The following SSX7 variants were observed in gnomAD, a reference collection of about 807,000 sequenced individuals.
SSX7 encodes the protein SSX family member 7, also known as protein SSX7.
SSX7 carries 15 observed loss-of-function variants against 14.7 expected under a neutral mutation model. The observed-to-expected ratio is 1.02, with a 90% CI of 0.68 to 1.58. The LOEUF (loss-of-function observed/expected upper bound fraction) is 1.58. Among genes scored for constraint, SSX7 ranks in the 40% most tolerant of loss-of-function variants. SSX7 has a pLI of 0.00. For missense variants in SSX7, 178 were observed against 146.8 expected (o/e 1.21, Z -1.10); for synonymous variants, 46 against 50.6 (o/e 0.91, Z 0.38).
rs782519452 is a variant in SSX7 at position 52,652,233 on chromosome X, C to A, written c.280+19G>T. 5.1e-6 allele frequency: 6 copies of A among 1,165,753 alleles called. No individual in the cohort carries two copies. In the East Asian group the frequency reaches 1.2e-4, roughly 23 times the overall value. On this transcript the variant is annotated intron_variant, in intron 4 of 7. Coordinates refer to ENST00000298181, the MANE Select transcript of SSX7 (RefSeq NM_173358.2). ...CTGGGCTTGAGGAGACCCTTTCCAG[C>A]CCCTTCCCGTCTACTCACCCTGATT...
At chrX:52,645,201 G>A (rs1925199091) in intron 7 of SSX7, among the ~76,000 whole-genome samples, 1 of 109,310 alleles carries the variant, frequency 9.1e-6, no homozygotes, top group African/African-American at 3.3e-5. Context: ...AACCCGTGAG[G>A]CGGAGCTTGC....
intron 2 of SSX7, 40 bp downstream of exon 2, chrX:52,653,364 T>C (rs1279518431): frequency 3.3e-6 from 4 of 1,208,583 alleles, no homozygotes; most frequent in Non-Finnish European, 2.2e-6. Context: ...CCCCACACTG[T>C]CCCCTGGGCC....
intron 5 of SSX7, among the ~76,000 whole-genome samples, 160 bp from the exon 6 acceptor site, chrX:52,648,556 G>T (rs1309221955): frequency 8.9e-6 from 1 of 111,793 alleles, no homozygotes; most frequent in Admixed American, 9.6e-5. Flanking sequence ...GAAGTTAGAC[G>T]GGAAAGGAAT....
intron 6 of SSX7, 150 bp downstream of exon 6, chrX:52,648,111 G>T (rs1274633581): frequency 2.9e-5 from 26 of 890,263 alleles, no homozygotes; most frequent in Non-Finnish European, 4.0e-5. Context: ...ATCTCTGGAA[G>T]TCCAGTCAAA....
At chrX:52,649,675 T>G (rs1925367388) in intron 5 of SSX7, among the ~76,000 whole-genome samples, 1 of 111,567 alleles carries the variant, frequency 9.0e-6, no homozygotes, top group Non-Finnish European at 1.9e-5. Flanking sequence ...TCAAAACGAT[T>G]CCTAAGCCAT....
chrX:52,646,470 G>A lies in SSX7; in HGVS notation c.467-927C>T, dbSNP rs186656824. Reference sequence around the variant, plus strand: ...TAATAATCACATCATGGAAAATAGGGTATCCATCCCTTCAACCACTTATCC... The same window carrying A: ...TAATAATCACATCATGGAAAATAGGATATCCATCCCTTCAACCACTTATCC... On this transcript the variant is annotated intron_variant, in intron 6 of 7. Transcript: ENST00000298181. Among the ~76,000 whole-genome samples the A allele has an allele frequency of 2.4e-3, 267 of 112,591 alleles. 1 individual carries two copies. The highest frequency in any genetic ancestry group is 4.2e-3 in the Non-Finnish European group (224 of 53,276).
At chrX:52,645,142 G>A (rs1241645343) in intron 7 of SSX7, among the ~76,000 whole-genome samples, 7 of 110,451 alleles carry the variant, frequency 6.3e-5, no homozygotes, top group African/African-American at 2.3e-4. Flanking sequence ...GTGGTGGCGG[G>A]CACTTGTAGT....
At chrX:52,647,371 C>A (rs1209695783) in intron 6 of SSX7, among the ~76,000 whole-genome samples, 1 of 112,477 alleles carries the variant, frequency 8.9e-6, no homozygotes, top group Non-Finnish European at 1.9e-5. Flanking sequence ...ATAAAATAGC[C>A]TTCTATTGGA....
At chrX:52,647,730 T>C (rs1925294615) in intron 6 of SSX7, among the ~76,000 whole-genome samples, 1 of 111,922 alleles carries the variant, frequency 8.9e-6, no homozygotes, top group Non-Finnish European at 1.9e-5. Context: ...GACATAATGC[T>C]ATTGCACTCT....
chrX:52,654,429 G>A (rs1925540653), intron 1 of SSX7, among the ~76,000 whole-genome samples: 2 of 98,081 alleles, frequency 2.0e-5, no homozygotes, highest in African/African-American at 7.7e-5. Flanking sequence ...ATGCAGTGGT[G>A]TGATCATGGC....
At chrX:52,649,396 G>A (rs1173562356) in intron 5 of SSX7, among the ~76,000 whole-genome samples, 1 of 111,656 alleles carries the variant, frequency 9.0e-6, no homozygotes, top group Non-Finnish European at 1.9e-5. Context: ...AATAGTCTAC[G>A]GGAAAGTCCT....
intron 6 of SSX7, 62 bp downstream of exon 6, chrX:52,648,199 T>A: frequency 8.5e-7 from 1 of 1,177,731 alleles, no homozygotes; most frequent in Non-Finnish European, 1.1e-6. Flanking sequence ...ACACACCCAG[T>A]CCACACACCT....
chrX:52,649,593 G>A (rs1556766761), intron 5 of SSX7, among the ~76,000 whole-genome samples: 3 of 111,819 alleles, frequency 2.7e-5, no homozygotes, highest in Admixed American at 9.5e-5. Context: ...CCTGGGCTGG[G>A]ATGGGGGCTT....
Position 52,653,511 on chromosome X carries a change from G to T in SSX7, c.-20-19C>A, listed in dbSNP as rs1556767327. Reference sequence around the variant, plus strand: ...GTCTGACCTGCAAGAGAAATAGCCTGAGTCTTTCCAGCCACAGCAGCTTTG... The same window carrying T: ...GTCTGACCTGCAAGAGAAATAGCCTTAGTCTTTCCAGCCACAGCAGCTTTG... On this transcript the variant is annotated intron_variant, in intron 1 of 7. Coordinates refer to ENST00000298181, the MANE Select transcript of SSX7 (RefSeq NM_173358.2). 1 of 1,210,294 alleles carries T rather than the reference G, an allele frequency of 8.3e-7. No homozygotes were observed. The highest frequency in any genetic ancestry group is 1.8e-5 in the South Asian group (1 of 56,937).
intron 4 of SSX7, 22 bp from the exon 5 acceptor site, chrX:52,650,424 T>G: frequency 8.3e-7 from 1 of 1,201,594 alleles, no homozygotes; most frequent in Non-Finnish European, 1.1e-6. Context: ...TATATCAGAA[T>G]TTTTCTTTGT....
At chrX:52,650,677 A>G (rs1243218243) in intron 4 of SSX7, among the ~76,000 whole-genome samples, 1 of 112,188 alleles carries the variant, frequency 8.9e-6, no homozygotes, top group East Asian at 2.8e-4. Context: ...TTTTTTCCAA[A>G]TAATTAAATT....
At chrX:52,646,589 G>GTTTTT (rs1398126871) in intron 6 of SSX7, among the ~76,000 whole-genome samples, 2 of 111,647 alleles carry the variant, frequency 1.8e-5, no homozygotes, top group African/African-American at 6.5e-5. Flanking sequence ...CTGTGTAATT[G>GTTTTT]TTTGGGGGGT....
intron 4 of SSX7, among the ~76,000 whole-genome samples, chrX:52,650,931 T>C (rs184128627): frequency 8.9e-6 from 1 of 112,450 alleles, no homozygotes; most frequent in Non-Finnish European, 1.9e-5. Context: ...TGGGAGATTT[T>C]AGAATCTGGC....
intron 5 of SSX7, among the ~76,000 whole-genome samples, chrX:52,650,117 A>T (rs1213215514): frequency 9.2e-6 from 1 of 108,567 alleles, no homozygotes; most frequent in African/African-American, 3.3e-5. Context: ...AGGATTAAAT[A>T]CATTAATCCA....
Sources: allele counts gnomAD v4.1 joint callset (sites outside exome capture counted in the v4.1 genomes callset), GRCh38; gene constraint gnomAD v4.1.1; transcripts MANE v1.5; gene names NCBI Gene and HGNC (gene_info 2026-07-23, HGNC 2026-07-21).